Variants in NDUFS4 observed in about 807,000 individuals in gnomAD.
NDUFS4 encodes NADH dehydrogenase [ubiquinone] iron-sulfur protein 4, mitochondrial.
In NDUFS4, 28 loss-of-function variants were observed where a neutral mutation model predicts 24.3. The ratio of observed to expected loss-of-function variants is 1.15; its 90% confidence interval spans 0.85 to 1.58. NDUFS4 has a LOEUF of 1.58. Ranked by LOEUF, NDUFS4 falls within the 40% of genes most tolerant of loss-of-function variation. The pLI is 0.00. For missense variants in NDUFS4, 223 were observed against 207.9 expected (o/e 1.07, Z -0.45); for synonymous variants, 93 against 69.7 (o/e 1.34, Z -1.67).
intron 2 of NDUFS4, among the ~76,000 whole-genome samples, chr5:53,606,475 T>A (rs1212217300): frequency 6.6e-6 from 1 of 152,024 alleles, no homozygotes; most frequent in Non-Finnish European, 1.5e-5. Flanking sequence ...CAAGTGATTC[T>A]TATGCCTCAG....
chr5:53,600,553 C>T (rs1168415596), intron 1 of NDUFS4, among the ~76,000 whole-genome samples: 2 of 152,132 alleles, frequency 1.3e-5, no homozygotes, highest in Admixed American at 6.5e-5. Flanking sequence ...AGGTGATCCA[C>T]CCACCTCAGC....
At position 53,577,482 on chromosome 5, in the gene NDUFS4, A is replaced by AT. The variant is rs34395834; in HGVS notation, c.98+16736dup. Among the ~76,000 whole-genome samples, 626 of 146,760 alleles carry AT rather than the reference A, an allele frequency of 4.3e-3. 4 individuals are homozygous for AT. The highest frequency in any genetic ancestry group is 0.013 in the South Asian group (59 of 4,574). On this transcript the variant is annotated intron_variant, in intron 1 of 4. Transcript: ENST00000296684. ...AACTAAAGAGTCTCTATAGTCTGCTATTTTTTTTTTTTTTGGTCCTAGTAA... is the reference window on the plus strand; with the variant it reads ...AACTAAAGAGTCTCTATAGTCTGCTATTTTTTTTTTTTTTTGGTCCTAGTAA...
At chr5:53,645,710 A>G (rs904328016) in intron 2 of NDUFS4, among the ~76,000 whole-genome samples, 1 of 152,208 alleles carries the variant, frequency 6.6e-6, no homozygotes, top group African/African-American at 2.4e-5. Context: ...TTAAATTTAC[A>G]ACTTTACAAA....
chr5:53,604,190 TTC>T (rs1750425309), intron 2 of NDUFS4, among the ~76,000 whole-genome samples: 1 of 152,240 alleles, frequency 6.6e-6, no homozygotes, highest in Non-Finnish European at 1.5e-5. Flanking sequence ...TTTCCAAAAC[TTC>T]TGATAGAAAT....
At chr5:53,635,004 A>G (rs952922048) in intron 2 of NDUFS4, among the ~76,000 whole-genome samples, 1 of 152,028 alleles carries the variant, frequency 6.6e-6, no homozygotes, top group Non-Finnish European at 1.5e-5. Flanking sequence ...AGCCTGGCCA[A>G]CATGGTGAAA....
intron 2 of NDUFS4, among the ~76,000 whole-genome samples, chr5:53,618,140 C>T (rs1024221722): frequency 4.6e-5 from 7 of 151,968 alleles, no homozygotes; most frequent in South Asian, 4.2e-4. Flanking sequence ...AGGGTAGTGG[C>T]GCGTGCCTGT....
intron 1 of NDUFS4, among the ~76,000 whole-genome samples, chr5:53,579,244 A>G (rs1749479526): frequency 6.6e-6 from 1 of 152,158 alleles, no homozygotes; most frequent in South Asian, 2.1e-4. Flanking sequence ...TTTGATTTAT[A>G]CCTTTTTACG....
chr5:53,670,410 C>T (rs902686983), intron 4 of NDUFS4, among the ~76,000 whole-genome samples: 2 of 151,538 alleles, frequency 1.3e-5, no homozygotes, highest in Non-Finnish European at 2.9e-5. Flanking sequence ...GTAAAATGCA[C>T]ACTGAATTTC....
chr5:53,665,066 G>C (rs528049029), intron 4 of NDUFS4, among the ~76,000 whole-genome samples: 1 of 152,322 alleles, frequency 6.6e-6, no homozygotes, highest in Non-Finnish European at 1.5e-5. Flanking sequence ...CTCAGCTGCA[G>C]GTCTGTTGGA....
At chr5:53,598,123 A>G (rs1750185996) in intron 1 of NDUFS4, among the ~76,000 whole-genome samples, 1 of 152,204 alleles carries the variant, frequency 6.6e-6, no homozygotes, top group African/African-American at 2.4e-5. Flanking sequence ...GCAAGGATGA[A>G]GAGAGCAAGA....
chr5:53,570,965 T>G (rs889088207), intron 1 of NDUFS4, among the ~76,000 whole-genome samples: 1 of 152,168 alleles, frequency 6.6e-6, no homozygotes, highest in African/African-American at 2.4e-5. Context: ...ATTACAGGCA[T>G]GAGCCACGGC....
At chr5:53,610,343 G>C (rs776805379) in intron 2 of NDUFS4, among the ~76,000 whole-genome samples, 2 of 152,142 alleles carry the variant, frequency 1.3e-5, no homozygotes, top group East Asian at 3.9e-4. Context: ...TAATATGGAC[G>C]CAGTTTGTGG....
intron 1 of NDUFS4, among the ~76,000 whole-genome samples, 171 bp from the exon 2 acceptor site, chr5:53,603,281 A>G (rs762221786): frequency 3.9e-5 from 6 of 152,024 alleles, no homozygotes; most frequent in Non-Finnish European, 7.4e-5. Context: ...CTCAGCAGAC[A>G]GAACTAATTG....
chr5:53,671,184 G>A (rs4147739), intron 4 of NDUFS4, among the ~76,000 whole-genome samples: 24,299 of 151,886 alleles, frequency 0.16, 1,942 homozygotes, highest in Middle Eastern at 0.18. Context: ...GTATTATGCA[G>A]GCTCATCTTT....
chr5:53,598,297 A>G (rs938916355), intron 1 of NDUFS4, among the ~76,000 whole-genome samples: 3 of 152,256 alleles, frequency 2.0e-5, no homozygotes, highest in Admixed American at 2.0e-4. Flanking sequence ...AAAAACCTGC[A>G]CATGAATGTT....
chr5:53,573,592 A>C (rs770417527), intron 1 of NDUFS4: 3 of 451,210 alleles, frequency 6.6e-6, no homozygotes, highest in South Asian at 3.1e-5. Flanking sequence ...TCTTTTCTTT[A>C]TTTTTTATTT....
chr5:53,567,588 T>G (rs948329181), intron 1 of NDUFS4, among the ~76,000 whole-genome samples: 24 of 152,130 alleles, frequency 1.6e-4, no homozygotes, highest in African/African-American at 5.6e-4. Flanking sequence ...TTCTTACTGA[T>G]TCCAGTGATT....
chr5:53,654,995 A>G (rs1752123493), intron 3 of NDUFS4, among the ~76,000 whole-genome samples: 1 of 152,218 alleles, frequency 6.6e-6, no homozygotes, highest in Non-Finnish European at 1.5e-5. Flanking sequence ...CATTATAATT[A>G]TGAAACAATT....
At chr5:53,618,690 A>T (rs1174611903) in intron 2 of NDUFS4, among the ~76,000 whole-genome samples, 1 of 152,208 alleles carries the variant, frequency 6.6e-6, no homozygotes, top group African/African-American at 2.4e-5. Context: ...CTATATAATT[A>T]TCCTTCCAGT....
Sources: gnomAD v4.1 joint callset for allele counts (sites outside exome capture counted in the v4.1 genomes callset) on GRCh38, gnomAD v4.1.1 for gene constraint, MANE v1.5 for transcripts, NCBI Gene and HGNC (gene_info 2026-07-23, HGNC 2026-07-21) for gene names.